TAB2: variants seen among roughly 807,000 people sequenced by gnomAD.
TAB2 encodes TGF-beta activated kinase 1 (MAP3K7) binding protein 2.
A neutral mutation model predicts 65.0 loss-of-function variants in TAB2; 3 were observed. That is an observed-to-expected ratio of 0.05 (90% CI 0.02 to 0.12). The LOEUF (loss-of-function observed/expected upper bound fraction) is 0.12. Among genes scored for constraint, TAB2 ranks in the 10% least tolerant of loss-of-function variants. The pLI, the probability that TAB2 is intolerant of heterozygous loss-of-function variation, is 1.00. For synonymous variants in TAB2, 298 were observed against 285.1 expected (o/e 1.05, Z -0.46); for missense variants, 623 against 840.3 (o/e 0.74, Z 3.20).
intron 3 of TAB2, among the ~76,000 whole-genome samples, chr6:149,389,311 T>C (rs936886923): frequency 2.6e-5 from 4 of 152,046 alleles, no homozygotes; most frequent in Admixed American, 1.3e-4. Flanking sequence ...ATTGAACTGG[T>C]CTCATGGCAT....
intron 1 of TAB2, among the ~76,000 whole-genome samples, chr6:149,268,632 CTT>C (rs981627589): frequency 3.3e-5 from 5 of 152,306 alleles, no homozygotes; most frequent in African/African-American, 1.2e-4. Context: ...CACGAGGTGT[CTT>C]TGCATACATG....
At position 149,410,994 on chromosome 6, in the gene TAB2, A is replaced by G. The variant is rs552459421; in HGVS notation, c.*1275A>G. 1.3e-5 allele frequency: 2 copies of G among 152,732 alleles called. No homozygotes were observed. The highest frequency in any genetic ancestry group is 4.8e-5 in the African/African-American group (2 of 41,564). The allele number at this position is 152,732 out of a possible 1,614,324, so 9.5% of individuals were successfully genotyped here. A position where few individuals can be genotyped will look rare whatever the true frequency, so the allele number is the denominator to read the frequency against. ...TTATAAAACAAGGCTAGCCATATTT[A>G]GGACAACTGAAGAAAAGCTGGAAAA... On this transcript the variant is annotated 3_prime_UTR_variant, in exon 7 of 7. Transcript: ENST00000637181.
chr6:149,336,777 A>C (rs1779946703), intron 1 of TAB2, among the ~76,000 whole-genome samples: 1 of 152,194 alleles, frequency 6.6e-6, no homozygotes, highest in South Asian at 2.1e-4. Flanking sequence ...GTGTGGGTTG[A>C]ACATGTTCAG....
chr6:149,357,430 A>AAAAAAAAAACACAC, intron 1 of TAB2, among the ~76,000 whole-genome samples: 3 of 111,144 alleles, frequency 2.7e-5, no homozygotes, highest in East Asian at 3.1e-4. Flanking sequence ...AGAAAAAAAA[A>AAAAAAAAAACACAC]ACACACACAC....
intron 1 of TAB2, among the ~76,000 whole-genome samples, chr6:149,289,489 G>A (rs1300640023): frequency 6.6e-6 from 1 of 152,114 alleles, no homozygotes; most frequent in Non-Finnish European, 1.5e-5. Flanking sequence ...GTCAGGGCCT[G>A]GGCTAGAGGC....
In TAB2 at chr6:149,299,218, T is replaced by C. The variant is rs369195808; in HGVS notation, c.-120-78800T>C. Among the ~76,000 whole-genome samples, 4 of 152,244 alleles carry C rather than the reference T, an allele frequency of 2.6e-5. No individual in the cohort carries two copies. The East Asian group carries it at 5.8e-4, about 22-fold the overall frequency. On this transcript the variant is annotated intron_variant, in intron 1 of 1. Coordinates refer to the TAB2 transcript ENST00000606202. Reference sequence around the variant, plus strand: ...GGCTTGAAATGTTTAATTCTGGTCATGAGACTATAGTAATTACATTAGTGT... The same window carrying C: ...GGCTTGAAATGTTTAATTCTGGTCACGAGACTATAGTAATTACATTAGTGT...
intron 3 of TAB2, among the ~76,000 whole-genome samples, chr6:149,396,977 A>G (rs1782193452): frequency 6.6e-6 from 1 of 152,228 alleles, no homozygotes; most frequent in Non-Finnish European, 1.5e-5. Flanking sequence ...TTCCGAGGGT[A>G]GATGTGAATT....
At position 149,230,622 on chromosome 6, in the gene TAB2, A is replaced by G. The variant is rs112275287; in HGVS notation, c.-121+11846A>G. On this transcript the variant is annotated intron_variant, in intron 1 of 1. Coordinates refer to the TAB2 transcript ENST00000606202. Reference sequence around the variant, plus strand: ...GCCACCAGAGCAAGCTCAGTGGTCCATGTGATGCTTGACTCCAGGTCCTTG... The same window carrying G: ...GCCACCAGAGCAAGCTCAGTGGTCCGTGTGATGCTTGACTCCAGGTCCTTG... Among the ~76,000 whole-genome samples, 115 of 152,366 alleles carry G rather than the reference A, an allele frequency of 7.5e-4. No individual in the cohort carries two copies. The Middle Eastern group carries it at 0.01, about 14-fold the overall frequency.
chr6:149,285,620 A>G (rs1778662980), intron 1 of TAB2, among the ~76,000 whole-genome samples: 2 of 152,256 alleles, frequency 1.3e-5, no homozygotes, highest in South Asian at 4.1e-4. Flanking sequence ...ATGGCCATGT[A>G]CTAGTACACT....
intron 1 of TAB2, among the ~76,000 whole-genome samples, chr6:149,235,878 G>A (rs12211226): frequency 0.02 from 3,102 of 152,256 alleles, 50 homozygotes; most frequent in Middle Eastern, 0.031. Context: ...ACTTCCACAG[G>A]GGGAGGACAC....
At chr6:149,319,945 A>C (rs1038033294) in intron 1 of TAB2, among the ~76,000 whole-genome samples, 1 of 152,226 alleles carries the variant, frequency 6.6e-6, no homozygotes, top group Non-Finnish European at 1.5e-5. Context: ...GTTTTTTGAA[A>C]AATAAATTTT....
intron 3 of TAB2, among the ~76,000 whole-genome samples, chr6:149,382,448 T>C (rs1315463317): frequency 6.6e-6 from 1 of 151,844 alleles, no homozygotes; most frequent in African/African-American, 2.4e-5. Context: ...AGACAAAAAT[T>C]AGCGGGGCGT....
At chr6:149,318,276 G>GT (rs909297035) in intron 1 of TAB2, among the ~76,000 whole-genome samples, 5 of 151,770 alleles carry the variant, frequency 3.3e-5, no homozygotes, top group Non-Finnish European at 1.5e-5. Context: ...GTCCGTGCGG[G>GT]GGGGGAGGGG....
At chr6:149,255,996 T>G (rs1562390396) in intron 1 of TAB2, among the ~76,000 whole-genome samples, 2 of 152,234 alleles carry the variant, frequency 1.3e-5, no homozygotes, top group South Asian at 4.1e-4. Context: ...GGCTCAAGAA[T>G]GAGTTAAACT....
chr6:149,336,965 A>T (rs11964335), intron 1 of TAB2, among the ~76,000 whole-genome samples: 66,183 of 151,862 alleles, frequency 0.44, 15,077 homozygotes, highest in Middle Eastern at 0.57. Context: ...TGAACTTTGA[A>T]CTGAAATTTA....
chr6:149,351,528 A>G (rs987524455), intron 1 of TAB2, among the ~76,000 whole-genome samples: 1 of 152,200 alleles, frequency 6.6e-6, no homozygotes, highest in Non-Finnish European at 1.5e-5. Flanking sequence ...AAATGATAGT[A>G]TTGATATTTT....
intron 1 of TAB2, among the ~76,000 whole-genome samples, chr6:149,266,910 G>A (rs1246739554): frequency 6.6e-6 from 1 of 152,092 alleles, no homozygotes; most frequent in Non-Finnish European, 1.5e-5. Context: ...ATGCAAAAGG[G>A]GAACACCCCA....
intron 1 of TAB2, among the ~76,000 whole-genome samples, chr6:149,348,916 G>A (rs1044288013): frequency 2.6e-5 from 4 of 151,576 alleles, no homozygotes; most frequent in South Asian, 2.1e-4. Context: ...GCAGTGAGCC[G>A]AGATCGCACC....
At chr6:149,333,485 G>T (rs974488319) in intron 1 of TAB2, among the ~76,000 whole-genome samples, 2 of 152,164 alleles carry the variant, frequency 1.3e-5, no homozygotes, top group African/African-American at 4.8e-5. Flanking sequence ...CATTTTAAAA[G>T]AAAGGAATGT....
Sources: gnomAD v4.1 joint callset for allele counts (sites outside exome capture counted in the v4.1 genomes callset) on GRCh38, gnomAD v4.1.1 for gene constraint, MANE v1.5 for transcripts, NCBI Gene and HGNC (gene_info 2026-07-23, HGNC 2026-07-21) for gene names.